The following AUTS2 variants were observed in gnomAD, a reference collection of about 807,000 sequenced individuals.
The protein encoded by AUTS2 is activator of transcription and developmental regulator AUTS2, also known as autism susceptibility gene 2 protein.
Under a neutral mutation model 112.4 loss-of-function variants are expected in AUTS2, and 17 were observed. The observed-to-expected ratio is 0.15, with a 90% CI of 0.10 to 0.23. The LOEUF (loss-of-function observed/expected upper bound fraction) is 0.23, where lower values mean the gene tolerates loss of function less well. Ranked by LOEUF, AUTS2 falls within the 10% of genes least tolerant of loss-of-function variation. The pLI, the probability that AUTS2 is intolerant of heterozygous loss-of-function variation, is 1.00. For synonymous variants in AUTS2, 751 were observed against 702.7 expected (o/e 1.07, Z -1.09); for missense variants, 1,510 against 1,701.6 (o/e 0.89, Z 1.98).
chr7:70,678,802 G>T (rs1353120861), intron 5 of AUTS2, among the ~76,000 whole-genome samples: 1 of 152,124 alleles, frequency 6.6e-6, no homozygotes, highest in African/African-American at 2.4e-5. Context: ...CTTCCAAGGG[G>T]CCCCTAGCTG....
chr7:69,706,392 A>G (rs1336889147), intron 1 of AUTS2, among the ~76,000 whole-genome samples: 1 of 152,182 alleles, frequency 6.6e-6, no homozygotes, highest in South Asian at 2.1e-4. Flanking sequence ...ATAATCCTGC[A>G]GCCGGCCTGG....
chr7:69,642,334 G>A (rs1296653896), intron 1 of AUTS2, among the ~76,000 whole-genome samples: 2 of 152,068 alleles, frequency 1.3e-5, no homozygotes, highest in African/African-American at 4.8e-5. Context: ...ATATCCATGA[G>A]TCAGGACAAA....
At chr7:70,190,605 G>T (rs765424540) in intron 4 of AUTS2, among the ~76,000 whole-genome samples, 2 of 152,154 alleles carry the variant, frequency 1.3e-5, no homozygotes, top group Non-Finnish European at 2.9e-5. Flanking sequence ...GTGCATTCGG[G>T]TAAGGTGATG....
chr7:70,730,287 C>T (rs1563157490), intron 6 of AUTS2, among the ~76,000 whole-genome samples: 2 of 151,990 alleles, frequency 1.3e-5, no homozygotes, highest in Non-Finnish European at 2.9e-5. Context: ...ATGAAATTCA[C>T]TCTTTTAAGG....
intron 1 of AUTS2, among the ~76,000 whole-genome samples, chr7:69,616,573 T>C (rs1793388149): frequency 6.6e-6 from 1 of 152,222 alleles, no homozygotes; most frequent in South Asian, 2.1e-4. Context: ...GATGCAACAG[T>C]TGTGGGACAT....
chr7:70,542,125 A>G (rs747125504), intron 5 of AUTS2, among the ~76,000 whole-genome samples: 2 of 152,118 alleles, frequency 1.3e-5, no homozygotes, highest in East Asian at 1.9e-4. Context: ...TTTATGTCTC[A>G]CTGAATACAG....
intron 4 of AUTS2, among the ~76,000 whole-genome samples, chr7:70,392,728 A>G (rs1264089536): frequency 6.6e-6 from 1 of 152,232 alleles, no homozygotes; most frequent in Admixed American, 6.5e-5. Flanking sequence ...GGTCCTTAAG[A>G]TAAGATTCAG....
At chr7:70,403,973 G>A (rs1303225335) in intron 4 of AUTS2, among the ~76,000 whole-genome samples, 1 of 152,218 alleles carries the variant, frequency 6.6e-6, no homozygotes, top group Non-Finnish European at 1.5e-5. Flanking sequence ...AAGTAGCAAT[G>A]AGTCCAGAAA....
At chr7:70,220,300 G>A (rs1811408193) in intron 4 of AUTS2, among the ~76,000 whole-genome samples, 2 of 152,108 alleles carry the variant, frequency 1.3e-5, no homozygotes, top group African/African-American at 2.4e-5. Context: ...TATACAAAAG[G>A]CAGGGGTGTG....
intron 1 of AUTS2, among the ~76,000 whole-genome samples, chr7:69,602,201 T>C (rs2129070455): frequency 6.6e-6 from 1 of 152,084 alleles, no homozygotes; most frequent in East Asian, 1.9e-4. Context: ...GAAAATGTGC[T>C]CATTTTAATT....
intron 2 of AUTS2, among the ~76,000 whole-genome samples, chr7:69,936,686 T>A (rs1345643496): frequency 6.6e-6 from 1 of 152,192 alleles, no homozygotes; most frequent in African/African-American, 2.4e-5. Flanking sequence ...TATAAGTTTT[T>A]GTTCTCCTAG....
At chr7:70,510,764 TAACAGGTA>T (rs1799148962) in intron 5 of AUTS2, among the ~76,000 whole-genome samples, 1 of 152,206 alleles carries the variant, frequency 6.6e-6, no homozygotes, top group Admixed American at 6.5e-5. Context: ...AAAATGTATT[TAACAGGTA>T]ATAGGTTTAT....
intron 4 of AUTS2, among the ~76,000 whole-genome samples, chr7:70,216,655 C>T (rs1811179079): frequency 6.6e-6 from 1 of 152,190 alleles, no homozygotes; most frequent in African/African-American, 2.4e-5. Context: ...AGCTTCCTTG[C>T]TTCTTAAGTG....
intron 6 of AUTS2, chr7:70,699,346 G>C (rs924961883): frequency 6.6e-6 from 1 of 152,132 alleles, no homozygotes; most frequent in Non-Finnish European, 1.5e-5. Flanking sequence ...TTCCACTGTC[G>C]AGCCTGATTT....
At chr7:70,616,202 C>G (rs1804356972) in intron 5 of AUTS2, among the ~76,000 whole-genome samples, 1 of 152,192 alleles carries the variant, frequency 6.6e-6, no homozygotes, top group Admixed American at 6.5e-5. Context: ...AGAATCATTG[C>G]TAACATGAAG....
At chr7:70,417,802 T>G (rs895246232) in intron 4 of AUTS2, among the ~76,000 whole-genome samples, 1 of 152,136 alleles carries the variant, frequency 6.6e-6, no homozygotes, top group Non-Finnish European at 1.5e-5. Flanking sequence ...GACCATCTGC[T>G]TTTCTCCTAT....
At chr7:70,140,130 T>C (rs1806780991) in intron 4 of AUTS2, among the ~76,000 whole-genome samples, 2 of 152,224 alleles carry the variant, frequency 1.3e-5, no homozygotes, top group Admixed American at 1.3e-4. Context: ...GTCTTATATA[T>C]AATACCTTGT....
At chr7:70,081,389 A>T (rs1233571969) in intron 2 of AUTS2, among the ~76,000 whole-genome samples, 1 of 60,074 alleles carries the variant, frequency 1.7e-5, no homozygotes, top group African/African-American at 8.5e-5. Flanking sequence ...CGTCTCTATA[A>T]AAAAAAAAAA....
chr7:70,264,087 A>G (rs1189841366), intron 4 of AUTS2, among the ~76,000 whole-genome samples: 1 of 152,106 alleles, frequency 6.6e-6, no homozygotes, highest in African/African-American at 2.4e-5. Context: ...TCTTCTTCTC[A>G]ATTCTATTAT....
Sources: allele counts gnomAD v4.1 joint callset (sites outside exome capture counted in the v4.1 genomes callset), GRCh38; gene constraint gnomAD v4.1.1; transcripts MANE v1.5; gene names NCBI Gene and HGNC (gene_info 2026-07-23, HGNC 2026-07-21).